GRIK2: variants seen among roughly 807,000 people sequenced by gnomAD.
GRIK2 encodes glutamate receptor ionotropic, kainate 2.
A neutral mutation model predicts 100.3 loss-of-function variants in GRIK2; 32 were observed. The observed-to-expected ratio is 0.32, with a 90% confidence interval of 0.24 to 0.43. The LOEUF (loss-of-function observed/expected upper bound fraction) is 0.43. Ranked by LOEUF, GRIK2 falls within the 20% of genes least tolerant of loss-of-function variation. GRIK2 has a pLI of 1.00. For synonymous variants in GRIK2, 417 were observed against 389.4 expected (o/e 1.07, Z -0.83); for missense variants, 843 against 1,114.9 (o/e 0.76, Z 3.47).
chr6:102,030,511 A>G (rs1390767972), intron 14 of GRIK2, among the ~76,000 whole-genome samples: 3 of 151,036 alleles, frequency 2.0e-5, no homozygotes, highest in Admixed American at 1.3e-4. Flanking sequence ...ACTCCCCTCA[A>G]TTAGCCCTTG....
intron 7 of GRIK2, among the ~76,000 whole-genome samples, chr6:101,797,494 ATAAAG>A (rs1780382448): frequency 6.6e-6 from 1 of 150,754 alleles, no homozygotes; most frequent in Non-Finnish European, 1.5e-5. Flanking sequence ...TATTCAGAGA[ATAAAG>A]TAAATATATT....
chr6:101,996,060 G>T (rs1233252391), intron 14 of GRIK2, among the ~76,000 whole-genome samples: 1 of 151,864 alleles, frequency 6.6e-6, no homozygotes, highest in Admixed American at 6.6e-5. Flanking sequence ...TGAGTAAATT[G>T]TTTCAGATTT....
At chr6:101,763,005 A>G (rs1477719464) in intron 7 of GRIK2, among the ~76,000 whole-genome samples, 2 of 152,212 alleles carry the variant, frequency 1.3e-5, no homozygotes, top group Non-Finnish European at 2.9e-5. Flanking sequence ...CAGCAGGTAT[A>G]GATTCCAGGG....
intron 7 of GRIK2, among the ~76,000 whole-genome samples, chr6:101,727,895 C>T (rs967299510): frequency 6.6e-6 from 1 of 151,660 alleles, no homozygotes; most frequent in Admixed American, 6.6e-5. Flanking sequence ...TATATATTAG[C>T]GGTGGGAACT....
intron 7 of GRIK2, among the ~76,000 whole-genome samples, chr6:101,688,704 T>C (rs181819222): frequency 2.0e-5 from 3 of 152,112 alleles, no homozygotes; most frequent in Admixed American, 2.0e-4. Flanking sequence ...GGGCATTATA[T>C]ATAAACCATG....
chr6:101,490,677 A>G (rs1773058546), intron 2 of GRIK2, among the ~76,000 whole-genome samples: 1 of 146,596 alleles, frequency 6.8e-6, no homozygotes, highest in South Asian at 2.2e-4. Flanking sequence ...TAGTTTTTAA[A>G]TTAGGTTACT....
At chr6:101,422,536 C>A (rs1366371283) in intron 2 of GRIK2, among the ~76,000 whole-genome samples, 2 of 152,004 alleles carry the variant, frequency 1.3e-5, no homozygotes, top group African/African-American at 2.4e-5. Context: ...AGCTTTGTGA[C>A]CTACCTGATG....
At chr6:101,861,229 A>G (rs575456569) in intron 11 of GRIK2, among the ~76,000 whole-genome samples, 15 of 152,312 alleles carry the variant, frequency 9.8e-5, no homozygotes, top group African/African-American at 3.1e-4. Context: ...ATAAATAGAG[A>G]TGTAACTAAT....
intron 14 of GRIK2, among the ~76,000 whole-genome samples, chr6:101,981,676 G>A (rs1235140766): frequency 6.6e-6 from 1 of 151,838 alleles, no homozygotes; most frequent in Non-Finnish European, 1.5e-5. Context: ...GGAGGGAGAT[G>A]GGGACAGAAT....
chr6:101,483,498 C>T (rs908754040), intron 2 of GRIK2, among the ~76,000 whole-genome samples: 19 of 152,108 alleles, frequency 1.2e-4, no homozygotes, highest in African/African-American at 4.3e-4. Flanking sequence ...TTATAATCCC[C>T]GTTAAAACTT....
rs558164663 is a variant in GRIK2, at chr6:101,669,520, A to G, written c.542-7103A>G. ...AAGTATGCATATTTGCTTGTGTGTG[A>G]TATGTCTGATTAGGGTAATCTTTTC... On this transcript the variant is annotated intron_variant, in intron 4 of 16. Transcript: ENST00000369134. Among the ~76,000 whole-genome samples the G allele has an allele frequency of 3.9e-5, 6 of 152,234 alleles. No homozygotes were observed. In the South Asian group the frequency reaches 6.2e-4, roughly 16 times the overall value.
At chr6:101,748,338 A>T (rs1442675418) in intron 7 of GRIK2, among the ~76,000 whole-genome samples, 7 of 152,168 alleles carry the variant, frequency 4.6e-5, no homozygotes, top group Admixed American at 4.6e-4. Context: ...ATTAAATAAA[A>T]ATTATTTAGT....
At chr6:101,539,972 T>C (rs962666398) in intron 2 of GRIK2, among the ~76,000 whole-genome samples, 1 of 151,894 alleles carries the variant, frequency 6.6e-6, no homozygotes, top group African/African-American at 2.4e-5. Context: ...AATTGGAGAA[T>C]AAGTGTGCAT....
intron 7 of GRIK2, among the ~76,000 whole-genome samples, chr6:101,718,983 T>G (rs1774259589): frequency 6.6e-6 from 1 of 151,942 alleles, no homozygotes; most frequent in Admixed American, 6.6e-5. Context: ...TAAGGATATA[T>G]AAAGCATATA....
intron 14 of GRIK2, among the ~76,000 whole-genome samples, chr6:101,959,644 G>A (rs1268751294): frequency 6.6e-6 from 1 of 151,862 alleles, no homozygotes; most frequent in Non-Finnish European, 1.5e-5. Flanking sequence ...GTCTGCTCTT[G>A]AATTTCTATT....
chr6:101,600,407 T>G lies in GRIK2; in HGVS notation c.116-21542T>G, dbSNP rs892055659. Among the ~76,000 whole-genome samples the G allele has an allele frequency of 2.6e-5, 4 of 151,922 alleles. No homozygotes were observed. In the Admixed American group the frequency reaches 2.6e-4, roughly 10 times the overall value. On this transcript the variant is annotated intron_variant, in intron 2 of 16. Coordinates refer to ENST00000369134, the MANE Select transcript of GRIK2 (RefSeq NM_021956.5). ...GCTATTTTTTGGTTCCATGTGAAATTTGGAATAGTTTTCTTCTAGTTTTGT... is the reference window on the plus strand; with the variant it reads ...GCTATTTTTTGGTTCCATGTGAAATGTGGAATAGTTTTCTTCTAGTTTTGT...
intron 14 of GRIK2, among the ~76,000 whole-genome samples, chr6:101,966,411 A>G (rs1280059685): frequency 2.0e-5 from 3 of 152,150 alleles, no homozygotes; most frequent in African/African-American, 4.8e-5. Context: ...GCGATGCCCA[A>G]GTAGATCTTG....
chr6:101,988,457 A>C (rs758133868), intron 14 of GRIK2, among the ~76,000 whole-genome samples: 6 of 151,808 alleles, frequency 4.0e-5, no homozygotes, highest in Non-Finnish European at 8.8e-5. Context: ...AAGGCAGCAC[A>C]ATACAGTGAC....
chr6:101,524,432 G>C (rs2128282517), intron 2 of GRIK2, among the ~76,000 whole-genome samples: 1 of 152,012 alleles, frequency 6.6e-6, no homozygotes, highest in East Asian at 1.9e-4. Context: ...ATTTCTAAGG[G>C]AGTTGGTGTT....
Sources: gnomAD v4.1 joint callset for allele counts (sites outside exome capture counted in the v4.1 genomes callset) on GRCh38, gnomAD v4.1.1 for gene constraint, MANE v1.5 for transcripts, NCBI Gene and HGNC (gene_info 2026-07-23, HGNC 2026-07-21) for gene names.